Variants in SPTLC2 observed in about 807,000 individuals in gnomAD.
SPTLC2 encodes the protein serine palmitoyltransferase 2.
Under a neutral mutation model 62.0 loss-of-function variants are expected in SPTLC2, and 21 were observed. The ratio of observed to expected loss-of-function variants is 0.34; its 90% CI spans 0.24 to 0.49. The LOEUF is 0.49. Ranked by LOEUF, SPTLC2 falls within the 20% of genes least tolerant of loss-of-function variation. The pLI is 0.99. For synonymous variants in SPTLC2, 261 were observed against 261.8 expected (o/e 1.00, Z 0.03); for missense variants, 511 against 713.0 (o/e 0.72, Z 3.23).
At chr14:77,522,148 C>T (rs961369165) in intron 9 of SPTLC2, among the ~76,000 whole-genome samples, 1 of 152,044 alleles carries the variant, frequency 6.6e-6, no homozygotes, top group African/African-American at 2.4e-5. Context: ...TGTTTCCTTA[C>T]AATTCTTTTT....
intron 9 of SPTLC2, among the ~76,000 whole-genome samples, chr14:77,546,003 G>C (rs2079526251): frequency 6.6e-6 from 1 of 152,204 alleles, no homozygotes; most frequent in Non-Finnish European, 1.5e-5. Context: ...AGAAAACAGG[G>C]AGGCAAATGC....
chr14:77,542,185 GA>G (rs1185595434), intron 9 of SPTLC2, among the ~76,000 whole-genome samples: 1 of 151,930 alleles, frequency 6.6e-6, no homozygotes, highest in Non-Finnish European at 1.5e-5. Flanking sequence ...AGTCAGTGAA[GA>G]TATTTTTAAA....
intron 9 of SPTLC2, among the ~76,000 whole-genome samples, chr14:77,524,245 G>A (rs1229327095): frequency 1.3e-5 from 2 of 152,094 alleles, no homozygotes; most frequent in Non-Finnish European, 2.9e-5. Context: ...ACAGATTCAT[G>A]GTTGCCAGAA....
Position 77,562,378 on chromosome 14 carries a change from A to G in SPTLC2, c.850+18T>C, listed in dbSNP as rs1391770813. ...ATAGCAAAACCAAGGCCAGCAGTGA[A>G]TTCTTCAGCAAACTCACTGTTGTGT... On this transcript the variant is annotated intron_variant, in intron 6 of 11. Transcript: ENST00000216484. The G allele has an allele frequency of 1.2e-6, 2 of 1,610,886 alleles. No homozygotes were observed. The highest frequency in any genetic ancestry group is 1.7e-6 in the Non-Finnish European group (2 of 1,177,140).
intron 9 of SPTLC2, among the ~76,000 whole-genome samples, chr14:77,531,105 A>T (rs1055503242): frequency 2.0e-5 from 3 of 151,938 alleles, no homozygotes; most frequent in Admixed American, 2.0e-4. Flanking sequence ...TTAATCTAGG[A>T]TTTCTGCCAT....
intron 5 of SPTLC2, among the ~76,000 whole-genome samples, chr14:77,562,732 G>A (rs1468556318): frequency 6.6e-6 from 1 of 152,200 alleles, no homozygotes; most frequent in Non-Finnish European, 1.5e-5. Flanking sequence ...CATGACTGAT[G>A]TAAATACTCA....
chr14:77,556,293 A>G (rs2079583460), intron 7 of SPTLC2, among the ~76,000 whole-genome samples: 2 of 151,874 alleles, frequency 1.3e-5, no homozygotes, highest in Admixed American at 1.3e-4. Flanking sequence ...AGCCTGGGTG[A>G]CACAGCGAGA....
At position 77,555,399 on chromosome 14, in the gene SPTLC2, C is replaced by T. The variant is rs751955818; in HGVS notation, c.1077G>A (p.Val359=). ...IGALGPTGRG[V]VEYFGLDPED... ...CGGGATCCAGGCCAAAGTACTCCAC[C>T]ACACCCCGGCCTGTGGGGCCCAGGG... The change falls in exon 8 of 12, where the codon GTG becomes GTA. Residue 359 remains valine (V), a synonymous_variant. Transcript: ENST00000216484. 6.2e-7 allele frequency: 1 copy of T among 1,614,182 alleles called. No individual in the cohort carries two copies. The highest frequency in any genetic ancestry group is 1.1e-5 in the South Asian group (1 of 91,088).
At chr14:77,555,735 C>T (rs563109176) in intron 7 of SPTLC2, among the ~76,000 whole-genome samples, 45 of 152,108 alleles carry the variant, frequency 3.0e-4, no homozygotes, top group African/African-American at 1.1e-3. Context: ...TGTGCCTCAG[C>T]CTCCCAAGTA....
At chr14:77,601,102 C>CT (rs1216782589) in intron 1 of SPTLC2, among the ~76,000 whole-genome samples, 1 of 152,172 alleles carries the variant, frequency 6.6e-6, no homozygotes, top group African/African-American at 2.4e-5. Context: ...ACCTTCTAAA[C>CT]TGCTTTGATT....
intron 11 of SPTLC2, 72 bp from the exon 12 acceptor site, chr14:77,512,475 G>A: frequency 6.2e-7 from 1 of 1,607,364 alleles, no homozygotes; most frequent in East Asian, 2.2e-5. Context: ...GTTTTACTTT[G>A]CTAAAAACAA....
chr14:77,517,990 C>A (rs1417673727), intron 11 of SPTLC2, 48 bp downstream of exon 11: 5 of 1,613,116 alleles, frequency 3.1e-6, no homozygotes, highest in Non-Finnish European at 4.2e-6. Flanking sequence ...ATATACAGGC[C>A]CTTTTAATAA....
intron 2 of SPTLC2, among the ~76,000 whole-genome samples, chr14:77,592,482 T>A (rs1167292384): frequency 6.6e-6 from 1 of 152,150 alleles, no homozygotes; most frequent in Non-Finnish European, 1.5e-5. Flanking sequence ...CTCTGGGAAT[T>A]CCTAGTAATG....
chr14:77,533,585 T>A (rs1414938375), intron 9 of SPTLC2, among the ~76,000 whole-genome samples: 1 of 152,196 alleles, frequency 6.6e-6, no homozygotes, highest in Non-Finnish European at 1.5e-5. Flanking sequence ...GTACCAGGGC[T>A]TACGATGTTC....
intron 1 of SPTLC2, among the ~76,000 whole-genome samples, chr14:77,602,519 A>C (rs1002292389): frequency 5.9e-5 from 9 of 151,334 alleles, no homozygotes; most frequent in Non-Finnish European, 1.3e-4. Flanking sequence ...GGCACGAGAG[A>C]ATTTTAAGGA....
Position 77,606,373 on chromosome 14 carries a change from CTGTG to C in SPTLC2, c.133-8997_133-8994del, listed in dbSNP as rs59065946. ...TTTTGCTTTCCCAGGAGGGAGGGGA[CTGTG>C]TGTGTGTGTGTGTGTGTGTGTGTGT... On this transcript the variant is annotated intron_variant, in intron 1 of 11. Coordinates refer to ENST00000216484, the MANE Select transcript of SPTLC2 (RefSeq NM_004863.4). Among the ~76,000 whole-genome samples the C allele has an allele frequency of 1.6e-3, 236 of 148,188 alleles. 2 individuals are homozygous for C. In the South Asian group the frequency reaches 0.022, roughly 14 times the overall value.
At chr14:77,615,294 GTCTCAATA>G (rs2079960493) in intron 1 of SPTLC2, among the ~76,000 whole-genome samples, 1 of 152,176 alleles carries the variant, frequency 6.6e-6, no homozygotes, top group Non-Finnish European at 1.5e-5. Context: ...CCTCAACTCA[GTCTCAATA>G]TCTCAACATG....
chr14:77,566,831 C>T (rs1463712578), intron 5 of SPTLC2, among the ~76,000 whole-genome samples: 1 of 151,720 alleles, frequency 6.6e-6, no homozygotes, highest in East Asian at 2.0e-4. Flanking sequence ...ACTGCCCCAC[C>T]CTGCCATCAA....
intron 9 of SPTLC2, among the ~76,000 whole-genome samples, chr14:77,534,956 T>C (rs1212127765): frequency 1.3e-5 from 2 of 151,986 alleles, no homozygotes; most frequent in African/African-American, 2.4e-5. Context: ...AGATGGAGTT[T>C]CGCTCTTGTT....
Sources: allele counts gnomAD v4.1 joint callset (sites outside exome capture counted in the v4.1 genomes callset), GRCh38; gene constraint gnomAD v4.1.1; transcripts MANE v1.5; gene names NCBI Gene and HGNC (gene_info 2026-07-23, HGNC 2026-07-21).